MDN1: variants seen among roughly 807,000 people sequenced by gnomAD.
The protein encoded by MDN1 is midasin AAA ATPase 1.
In MDN1, 266 loss-of-function variants were observed where a neutral mutation model predicts 669.2. The observed-to-expected ratio is 0.40, with a 90% confidence interval of 0.36 to 0.44. The LOEUF (loss-of-function observed/expected upper bound fraction) is 0.44, where lower values mean the gene tolerates loss of function less well. Among genes scored for constraint, MDN1 ranks in the 20% least tolerant of loss-of-function variants. The pLI, the probability that MDN1 is intolerant of heterozygous loss-of-function variation, is 1.00. For synonymous variants in MDN1, 2,385 were observed against 2,457.1 expected, an observed-to-expected ratio of 0.97 and a Z score of 0.87; for missense variants, 5,940 against 6,754.0, an observed-to-expected ratio of 0.88 and a Z score of 4.22.
intron 1 of MDN1, among the ~76,000 whole-genome samples, chr6:89,809,872 C>T (rs1352849504): frequency 6.9e-6 from 1 of 144,590 alleles, no homozygotes; most frequent in Non-Finnish European, 1.5e-5. Context: ...GCCTGTAGTC[C>T]CTACTACTCA....
chr6:89,798,434 G>A (rs1214185830), intron 2 of MDN1, among the ~76,000 whole-genome samples: 2 of 151,780 alleles, frequency 1.3e-5, no homozygotes, highest in African/African-American at 2.4e-5. Flanking sequence ...CCTGGGAGGC[G>A]GAGGTTGCGG....
intron 69 of MDN1, 122 bp downstream of exon 69, chr6:89,686,780 G>T: frequency 7.7e-7 from 1 of 1,298,664 alleles, no homozygotes; most frequent in Non-Finnish European, 1.1e-6. Context: ...GAAGTCAAAT[G>T]GGAGGCATTC....
In MDN1 at chr6:89,735,747, C is replaced by T. The variant is rs555284533; in HGVS notation, c.4723+2579G>A. Among the ~76,000 whole-genome samples the T allele has an allele frequency of 3.3e-5, 5 of 152,244 alleles. No homozygotes were observed. In the East Asian group the frequency reaches 9.7e-4, roughly 29 times the overall value. On this transcript the variant is annotated intron_variant, in intron 33 of 101. Coordinates refer to ENST00000369393, the MANE Select transcript of MDN1 (RefSeq NM_014611.3). ...AGTTAAAATATTAAATTCGGCCAGG[C>T]ATGGTGGCTCACACCTATAATCCCA...
chr6:89,708,394 A>G, intron 51 of MDN1, 102 bp downstream of exon 51: 1 of 1,418,212 alleles, frequency 7.1e-7, no homozygotes, highest in Non-Finnish European at 9.6e-7. Context: ...TCTCAGGTTC[A>G]CAAAATTCAA....
chr6:89,800,128 A>T (rs1217114479), intron 2 of MDN1, among the ~76,000 whole-genome samples: 1 of 151,486 alleles, frequency 6.6e-6, no homozygotes, highest in Non-Finnish European at 1.5e-5. Flanking sequence ...AATTAAAAAG[A>T]AAAAAAAAGG....
chr6:89,762,418 G>C lies in MDN1; in HGVS notation c.2257C>G (p.Gln753Glu), dbSNP rs1036847126. 8.7e-6 allele frequency: 14 copies of C among 1,613,986 alleles called. No homozygotes were observed. The highest frequency in any genetic ancestry group is 1.2e-5 in the Non-Finnish European group (14 of 1,179,974). ...KQNFTFLGHIQTCYRQKRWHD... is the reference protein window; with the variant it reads ...KQNFTFLGHIETCYRQKRWHD... ...CACCGTTTCTGTCTGTAACAGGTCT[G>C]AATGTGCCCCAAGAACGTAAAGTTT... Residue 753 changes from glutamine (Q) to glutamate (E), a missense_variant, in exon 16 of 102, where the codon CAG becomes GAG. By Grantham distance (29) the Gln-to-Glu change is conservative. Coordinates refer to ENST00000369393, the MANE Select transcript of MDN1 (RefSeq NM_014611.3).
intron 97 of MDN1, among the ~76,000 whole-genome samples, chr6:89,648,989 TAAAAAA>T (rs35332439): frequency 3.0e-5 from 4 of 135,020 alleles, no homozygotes; most frequent in Non-Finnish European, 6.3e-5. Context: ...ACCCTGTCTT[TAAAAAA>T]AAAAAAAAAA....
chr6:89,770,592 C>T (rs1345191419), intron 15 of MDN1, among the ~76,000 whole-genome samples: 1 of 152,078 alleles, frequency 6.6e-6, no homozygotes, highest in East Asian at 1.9e-4. Context: ...CCAGCCTCTG[C>T]CTCCCAGATT....
chr6:89,804,814 G>A (rs1312491494), intron 1 of MDN1, among the ~76,000 whole-genome samples: 1 of 151,864 alleles, frequency 6.6e-6, no homozygotes, highest in East Asian at 2.0e-4. Context: ...GGCGGATCAC[G>A]AGGTCAGGAG....
chr6:89,687,438 C>A lies in MDN1; in HGVS notation c.11356G>T (p.Asp3786Tyr), dbSNP rs755007135. The A allele has an allele frequency of 1.2e-5, 20 of 1,612,702 alleles. No homozygotes were observed. The highest frequency in any genetic ancestry group is 1.7e-5 in the Admixed American group (1 of 59,958). ...GLEILLAKAQ[D>Y]WEENASRALS... The stretch of plus-strand genomic sequence containing the variant: ...GCTCGACTTGCATTTTCCTCCCAAT[C>A]CTAAAGAAACAAAGATAAAATTTAC... The change falls in exon 68 of 102, where the codon GAT (aspartate) becomes TAT (tyrosine). Residue 3786 changes from aspartate to tyrosine, a missense_variant and splice_region_variant. Around this residue, in one of 5 missense-constraint regions of MDN1, gnomAD observed 2,280 missense variants for 2,576.3 expected, o/e 0.88. Coordinates refer to ENST00000369393, the MANE Select transcript of MDN1 (RefSeq NM_014611.3).
At chr6:89,819,103 G>A (rs1259142250) in intron 1 of MDN1, among the ~76,000 whole-genome samples, 1 of 152,156 alleles carries the variant, frequency 6.6e-6, no homozygotes, top group Non-Finnish European at 1.5e-5. Flanking sequence ...AGTATTTGTC[G>A]ATGGTTCCCC....
intron 27 of MDN1, 33 bp downstream of exon 27, chr6:89,747,296 C>T (rs1300743625): frequency 4.4e-6 from 7 of 1,602,100 alleles, no homozygotes; most frequent in Non-Finnish European, 5.9e-6. Flanking sequence ...TTTAACATAA[C>T]TATATATTGA....
intron 52 of MDN1, among the ~76,000 whole-genome samples, chr6:89,706,957 A>AC (rs1813558060): frequency 6.6e-6 from 1 of 152,100 alleles, no homozygotes; most frequent in Non-Finnish European, 1.5e-5. Flanking sequence ...CAAAAAAAAA[A>AC]CATGGGAGAA....
intron 2 of MDN1, among the ~76,000 whole-genome samples, chr6:89,796,241 T>C (rs1472449805): frequency 7.0e-6 from 1 of 143,076 alleles, no homozygotes; most frequent in Admixed American, 7.5e-5. Flanking sequence ...GGAGAATCAC[T>C]TGAGCCCGAG....
rs1276952037 is a variant in MDN1, at chr6:89,661,452, T to C, written c.14692A>G (p.Thr4898Ala). 1.9e-6 allele frequency: 3 copies of C among 1,613,680 alleles called. No individual in the cohort carries two copies. Among genetic ancestry groups the C allele is most frequent in the Middle Eastern group, 1.7e-4 (1 of 6,058 alleles). ...DSEDKNGGEDTDNEEGEEENP... is the reference protein window; with the variant it reads ...DSEDKNGGEDADNEEGEEENP... ...GCACCTTCTCCTTCTTCATTGTCGG[T>C]GTCCTCACCACCATTCTTGTCTTCA... Residue 4898 changes from threonine (T) to alanine (A), a missense_variant, in exon 88 of 102, where the codon ACC becomes GCC. This residue lies in a region of MDN1 where 2,280 missense variants were observed against 2,576.3 expected (regional missense o/e 0.88). Coordinates refer to ENST00000369393, the MANE Select transcript of MDN1 (RefSeq NM_014611.3).
intron 46 of MDN1, 145 bp from the exon 47 acceptor site, chr6:89,713,441 G>GAT: frequency 1.4e-6 from 1 of 704,658 alleles, no homozygotes; most frequent in Non-Finnish European, 2.3e-6. Flanking sequence ...GTAGACTCTA[G>GAT]AGTCCTCCGA....
rs1813845503 is a variant in MDN1, at chr6:89,710,770, G to A, written c.7676C>T (p.Ala2559Val). The change falls in exon 50 of 102, where the codon GCC (alanine) becomes GTC (valine). Residue 2559 changes from alanine (A) to valine (V), a missense_variant. Around this residue, in one of 5 missense-constraint regions of MDN1, gnomAD observed 2,292 missense variants for 2,638.3 expected, o/e 0.87. Transcript: ENST00000369393. The stretch of plus-strand genomic sequence containing the variant: ...AAAATTCCTGAGAGATGCAGCACTG[G>A]CTTCCAAATGAATTTGTATGGACTC... Reference protein sequence around the residue: ...GLESIQIHLEASAASLRNFYS... With the variant: ...GLESIQIHLEVSAASLRNFYS... 1 of 1,603,078 alleles carries A rather than the reference G, an allele frequency of 6.2e-7. No individual in the cohort carries two copies. Among genetic ancestry groups the A allele is most frequent in the East Asian group, 2.3e-5 (1 of 44,224 alleles).
intron 1 of MDN1, among the ~76,000 whole-genome samples, chr6:89,816,896 G>A (rs567355056): frequency 7.3e-5 from 11 of 151,460 alleles, no homozygotes; most frequent in African/African-American, 2.7e-4. Context: ...GAATGATGTC[G>A]ATCTCCTGAG....
chr6:89,756,860 G>A (rs1195623941), intron 19 of MDN1, among the ~76,000 whole-genome samples: 2 of 151,700 alleles, frequency 1.3e-5, no homozygotes, highest in African/African-American at 4.8e-5. Flanking sequence ...GGCAGAGCCT[G>A]CTGTGAGCCG....
Sources: allele counts gnomAD v4.1 joint callset (sites outside exome capture counted in the v4.1 genomes callset), GRCh38; gene constraint gnomAD v4.1.1; regional missense constraint gnomAD v4.1.1; transcripts MANE v1.5; gene names NCBI Gene and HGNC (gene_info 2026-07-23, HGNC 2026-07-21).